The following TMOD1 variants were observed in gnomAD, a reference collection of about 807,000 sequenced individuals.
The protein encoded by TMOD1 is tropomodulin 1.
Under a neutral mutation model 40.6 loss-of-function variants are expected in TMOD1, and 17 were observed. That is an observed-to-expected ratio of 0.42 (90% CI 0.29 to 0.63). The LOEUF (loss-of-function observed/expected upper bound fraction) is 0.63, where lower values mean the gene tolerates loss of function less well. TMOD1 is among the 20% of genes least tolerant of loss of function. The probability of loss-of-function intolerance (pLI) is 0.22; values close to 1 mark genes in which losing one functional copy is unlikely to be tolerated. For missense variants in TMOD1, 391 were observed against 447.6 expected, an observed-to-expected ratio of 0.87 and a Z score of 1.14; for synonymous variants, 181 against 175.0, an observed-to-expected ratio of 1.03 and a Z score of -0.27.
intron 2 of TMOD1, among the ~76,000 whole-genome samples, chr9:97,537,058 A>G (rs1334339657): frequency 1.3e-5 from 2 of 152,230 alleles, no homozygotes; most frequent in Non-Finnish European, 2.9e-5. Flanking sequence ...TGTCATTTTT[A>G]TGTAAGCTCA....
At chr9:97,572,525 G>A (rs1471720822) in intron 8 of TMOD1, among the ~76,000 whole-genome samples, 1 of 152,158 alleles carries the variant, frequency 6.6e-6, no homozygotes, top group African/African-American at 2.4e-5. Flanking sequence ...GTCTCAGGGA[G>A]GGGGCTCTGC....
chr9:97,591,296 G>T lies in TMOD1; in HGVS notation c.876G>T (p.Gln292His). 6.2e-7 allele frequency: 1 copy of T among 1,613,686 alleles called. No homozygotes were observed. Among genetic ancestry groups the T allele is most frequent in the African/African-American group, 1.3e-5 (1 of 74,994 alleles). ...LVEMKIDNQS[Q>H]PLGNKVEMEI... ...TTATTTTTTCTTGACTAAAGAGCCA[G>T]CCCCTGGGCAACAAAGTGGAAATGG... Residue 292 changes from glutamine (Q) to histidine (H), a missense_variant, in exon 9 of 10, where the codon CAG becomes CAT. By Grantham distance (24) the Gln-to-His change is conservative (BLOSUM62 0). Transcript: ENST00000259365.
At chr9:97,549,620 G>T (rs1457394297) in intron 3 of TMOD1, among the ~76,000 whole-genome samples, 1 of 152,090 alleles carries the variant, frequency 6.6e-6, no homozygotes, top group African/African-American at 2.4e-5. Flanking sequence ...TGATTCTGTT[G>T]TGTGTTTTGC....
intron 8 of TMOD1, among the ~76,000 whole-genome samples, chr9:97,579,606 AGAAATGTGGCTAATAGGACTGAG>A (rs1247773196): frequency 2.6e-5 from 4 of 152,238 alleles, no homozygotes; most frequent in Admixed American, 2.6e-4. Context: ...ATCAAGCACT[AGAAATGTGGCTAATAGGACTGAG>A]GAAATGAACT....
chr9:97,537,206 G>T (rs893397266), intron 2 of TMOD1, among the ~76,000 whole-genome samples: 1 of 152,200 alleles, frequency 6.6e-6, no homozygotes, highest in Non-Finnish European at 1.5e-5. Flanking sequence ...TTTCCGAGCT[G>T]CCAGGAGTCT....
chr9:97,524,100 A>G, intron 1 of TMOD1, 41 bp from the exon 2 acceptor site: 1 of 1,491,450 alleles, frequency 6.7e-7, no homozygotes, highest in Non-Finnish European at 9.0e-7. Flanking sequence ...GAGAGAGCAA[A>G]TCTGAGACGG....
At chr9:97,524,935 C>T (rs932905518) in intron 2 of TMOD1, among the ~76,000 whole-genome samples, 54 of 152,094 alleles carry the variant, frequency 3.6e-4, no homozygotes, top group Non-Finnish European at 7.4e-5. Flanking sequence ...CAGAAACACC[C>T]TCACAGACAC....
rs1298934451 is a variant in TMOD1 at position 97,600,853 on chromosome 9, T to C, written c.*1155T>C. The stretch of plus-strand genomic sequence containing the variant: ...TGCGTCTCTTGGGATCCAGCAAAAG[T>C]GTTAAGCCACAATGCCCTTGTGCCT... On this transcript the variant is annotated 3_prime_UTR_variant, in exon 10 of 10. Transcript: ENST00000259365. 9.2e-7 allele frequency: 1 copy of C among 1,089,340 alleles called. No homozygotes were observed. Among genetic ancestry groups the C allele is most frequent in the East Asian group, 8.3e-5 (1 of 12,016 alleles). The allele number at this position is 1,089,340 out of a possible 1,614,324, so 67.5% of individuals were successfully genotyped here.
At chr9:97,561,806 C>T (rs1041182256) in intron 4 of TMOD1, among the ~76,000 whole-genome samples, 12 of 152,292 alleles carry the variant, frequency 7.9e-5, no homozygotes, top group African/African-American at 2.9e-4. Flanking sequence ...CTCTGAACCT[C>T]GAGGCTTTCC....
Position 97,502,934 on chromosome 9 carries a change from C to A in TMOD1, c.-49+1131C>A, listed in dbSNP as rs141732021. On this transcript the variant is annotated intron_variant, in intron 1 of 9. Transcript: ENST00000259365. The surrounding 1 kb of genome is among the most constrained non-coding windows in gnomAD (Gnocchi z 6.1). ...ATGCGTCCTCCAACCTGCGCAGCGC[C>A]GCCCCCTCCTACACCCTTCACCCAC... 1.2e-3 allele frequency among the ~76,000 whole-genome samples: 177 copies of A among 152,222 alleles called. No homozygotes were observed. Among genetic ancestry groups the A allele is most frequent in the African/African-American group, 4.0e-3 (167 of 41,548 alleles).
chr9:97,512,489 T>C lies in TMOD1; in HGVS notation c.-49+10686T>C, dbSNP rs183727691. Among the ~76,000 whole-genome samples the C allele has an allele frequency of 2.6e-4, 40 of 152,216 alleles. 1 individual carries two copies. The highest frequency in any genetic ancestry group is 3.4e-3 in the Middle Eastern group (1 of 294). On this transcript the variant is annotated intron_variant, in intron 1 of 9. Transcript: ENST00000259365. ...AGCACTGTTTATAATTACCAAATAC[T>C]GGAAATAACCTAAATGACCATTAAA...
chr9:97,577,649 G>A (rs189550946), intron 8 of TMOD1, among the ~76,000 whole-genome samples: 73 of 152,120 alleles, frequency 4.8e-4, no homozygotes, highest in African/African-American at 1.5e-3. Flanking sequence ...TTAGCTGGGC[G>A]TGGTGGTGCT....
intron 1 of TMOD1, among the ~76,000 whole-genome samples, chr9:97,504,315 C>T (rs1194563833): frequency 2.0e-5 from 3 of 152,110 alleles, no homozygotes; most frequent in Non-Finnish European, 4.4e-5. Context: ...AGAAGTTCTC[C>T]ACTTCTTCAG....
At chr9:97,542,681 C>T (rs902448360) in intron 2 of TMOD1, among the ~76,000 whole-genome samples, 5 of 151,832 alleles carry the variant, frequency 3.3e-5, no homozygotes, top group Middle Eastern at 3.4e-3. Context: ...GGTGAAACCC[C>T]GCCTCTACTA....
In TMOD1 at chr9:97,562,791, A is replaced by C; in HGVS notation, c.457A>C (p.Ser153Arg). The C allele has an allele frequency of 6.3e-7, 1 of 1,586,070 alleles. No individual in the cohort carries two copies. The highest frequency in any genetic ancestry group is 2.4e-5 in the East Asian group (1 of 42,418). The change falls in exon 5 of 10, where the codon AGC becomes CGC. Residue 153 changes from serine to arginine, a missense_variant. Ser to Arg is a moderately radical substitution (Grantham distance 110, BLOSUM62 -1). Coordinates refer to ENST00000259365, the MANE Select transcript of TMOD1 (RefSeq NM_003275.4). Reference sequence around the variant, plus strand: ...GCAGTACTACCAGGCCCTGAGCAGCAGCTCCATCATGAACAAGGAGGGGCT... The same window carrying C: ...GCAGTACTACCAGGCCCTGAGCAGCCGCTCCATCATGAACAAGGAGGGGCT... ...NQQYYQALSS[S>R]SIMNKEGLNS...
At chr9:97,551,014 ATTTTTTTTTTTTTTT>A (rs55700746) in intron 3 of TMOD1, among the ~76,000 whole-genome samples, 24,937 of 104,562 alleles carry the variant, frequency 0.24, 3,056 homozygotes, top group South Asian at 0.31. Context: ...ATATATATAT[ATTTTTTTTTTTTTTT>A]TTTTTTTTTT....
chr9:97,510,628 A>G (rs1270137704), intron 1 of TMOD1, among the ~76,000 whole-genome samples: 1 of 152,232 alleles, frequency 6.6e-6, no homozygotes. Context: ...CATTCAACGA[A>G]TATGTCTTCA....
chr9:97,519,411 G>C (rs757971414), intron 1 of TMOD1, among the ~76,000 whole-genome samples: 2 of 152,248 alleles, frequency 1.3e-5, no homozygotes, highest in Non-Finnish European at 2.9e-5. Context: ...CACCAGATTT[G>C]GAAGACTTGA....
At chr9:97,548,104 C>T (rs979704178) in intron 3 of TMOD1, among the ~76,000 whole-genome samples, 1 of 152,134 alleles carries the variant, frequency 6.6e-6, no homozygotes, top group Non-Finnish European at 1.5e-5. Context: ...TGAATGAAAG[C>T]ACTAATTCTA....
Sources: allele counts gnomAD v4.1 joint callset (sites outside exome capture counted in the v4.1 genomes callset), GRCh38; gene constraint gnomAD v4.1.1; non-coding constraint Gnocchi (gnomAD v3.1); transcripts MANE v1.5; gene names NCBI Gene and HGNC (gene_info 2026-07-23, HGNC 2026-07-21).